The following POC1B variants were observed in gnomAD, a reference collection of about 807,000 sequenced individuals.
The protein encoded by POC1B is POC1 centriolar protein homolog B.
POC1B carries 44 observed loss-of-function variants against 60.6 expected under a neutral mutation model. The observed-to-expected ratio is 0.73, with a 90% CI of 0.57 to 0.93. POC1B has a LOEUF of 0.93. POC1B is among the 40% of genes least tolerant of loss of function. POC1B has a pLI of 0.00. For synonymous variants in POC1B, 180 were observed against 198.9 expected (o/e 0.90, Z 0.80); for missense variants, 555 against 572.3 (o/e 0.97, Z 0.31).
At position 89,465,312 on chromosome 12, in the gene POC1B, T is replaced by C. The variant is rs116643960; in HGVS notation, c.1032+1458A>G. 2.4e-3 allele frequency among the ~76,000 whole-genome samples: 358 copies of C among 152,214 alleles called. 1 individual carries two copies. The highest frequency in any genetic ancestry group is 8.1e-3 in the African/African-American group (336 of 41,538). ...AGAGAAAAAATGGCTTGAGTCTCTG[T>C]GCTGAGGTGAGTGTGGAGTCATGGA... is the stretch of plus-strand genomic sequence containing the variant. On this transcript the variant is annotated intron_variant, in intron 9 of 11. Transcript: ENST00000313546.
At chr12:89,464,641 C>T (rs962079587) in intron 9 of POC1B, among the ~76,000 whole-genome samples, 3 of 151,342 alleles carry the variant, frequency 2.0e-5, no homozygotes. Flanking sequence ...GCACGCGCCA[C>T]CACACCCAGC....
chr12:89,491,858 C>A (rs1565747639), intron 4 of POC1B, 78 bp downstream of exon 4: 1 of 1,247,292 alleles, frequency 8.0e-7, no homozygotes, highest in East Asian at 2.5e-5. Flanking sequence ...GTCCTCAAAC[C>A]CTTTTTCTGG....
intron 2 of POC1B, among the ~76,000 whole-genome samples, chr12:89,509,976 G>A (rs1157959181): frequency 1.3e-5 from 2 of 151,858 alleles, no homozygotes; most frequent in East Asian, 3.9e-4. Context: ...CTCCCAAGTA[G>A]CTGGGATTAC....
At chr12:89,404,614 T>C in the POC1B span, among the ~76,000 whole-genome samples, 4 of 152,190 alleles carry the variant, frequency 2.6e-5, no homozygotes, top group South Asian at 8.3e-4. Context: ...AATGATTTCC[T>C]GCACTAGATC....
the POC1B span, among the ~76,000 whole-genome samples, chr12:89,402,470 G>C: frequency 6.6e-6 from 1 of 151,954 alleles, no homozygotes; most frequent in African/African-American, 2.4e-5. Flanking sequence ...TTGTTACCCA[G>C]GTATTAAGCC....
chr12:89,525,589 C>T lies in POC1B; in HGVS notation c.15+292G>A, dbSNP rs1049905108. 3.1e-6 allele frequency: 4 copies of T among 1,282,454 alleles called. No individual in the cohort carries two copies. The African/African-American group carries it at 4.6e-5, about 15-fold the overall frequency. 79.4% of individuals were successfully genotyped at this position (1,282,454 alleles called of 1,614,324 possible). On this transcript the variant is annotated intron_variant, in intron 1 of 11. Coordinates refer to ENST00000313546, the MANE Select transcript of POC1B (RefSeq NM_172240.3). ...TAATACTTCCTAGGTGATTCTGACG[C>T]AGGCGCTCCACGGAAACCCTCCGAG...
At chr12:89,410,656 G>A in the POC1B span, among the ~76,000 whole-genome samples, 119 of 144,482 alleles carry the variant, frequency 8.2e-4, no homozygotes, top group African/African-American at 3.0e-3. Context: ...TCCAGCCTGG[G>A]CAACAGAGTG....
chr12:89,419,181 A>G (rs945356631), downstream of POC1B, among the ~76,000 whole-genome samples: 3 of 152,050 alleles, frequency 2.0e-5, no homozygotes, highest in African/African-American at 7.2e-5. Context: ...GGTAGAGGGC[A>G]GAAAAATTGG....
chr12:89,494,450 G>T (rs183362130), intron 3 of POC1B, among the ~76,000 whole-genome samples: 1 of 152,122 alleles, frequency 6.6e-6, no homozygotes, highest in African/African-American at 2.4e-5. Flanking sequence ...ATGTCTCTCC[G>T]CTTCACAAAA....
intron 2 of POC1B, chr12:89,524,862 GGTGGTTAGTTTGCGAAAGTC>G (rs1871287078): frequency 1.6e-6 from 1 of 628,504 alleles, no homozygotes. Flanking sequence ...CACTCCTCCT[GGTGGTTAGTTTGCGAAAGTC>G]GTCCGCCAGG....
intron 5 of POC1B, 116 bp downstream of exon 5, chr12:89,472,052 G>A (rs1002533004): frequency 8.0e-6 from 6 of 751,594 alleles, no homozygotes; most frequent in Admixed American, 7.7e-5. Flanking sequence ...ACAGGCGTGA[G>A]CCACTGCACC....
intron 4 of POC1B, 140 bp from the exon 5 acceptor site, chr12:89,472,415 T>C (rs888350430): frequency 2.0e-5 from 12 of 602,666 alleles, no homozygotes; most frequent in African/African-American, 3.8e-5. Context: ...AAAGTCATAT[T>C]CTGCAGCCAA....
Position 89,521,838 on chromosome 12 carries a change from T to A in POC1B, c.100+3282A>T, listed in dbSNP as rs1056863802. 3 of 397,252 alleles carry A rather than the reference T, an allele frequency of 7.6e-6. No individual in the cohort carries two copies. In the Admixed American group the frequency reaches 1.3e-4, roughly 17 times the overall value. The allele number at this position is 397,252 out of a possible 1,614,324, so 24.6% of individuals were successfully genotyped here. On this transcript the variant is annotated intron_variant, in intron 2 of 11. Coordinates refer to ENST00000313546, the MANE Select transcript of POC1B (RefSeq NM_172240.3). ...TAAGATAAATTCTTAAATTTCCTGA[T>A]CAGCAGAACTCGTAGGAGAGTTCCA...
chr12:89,501,054 G>C, intron 2 of POC1B: 2 of 1,078,076 alleles, frequency 1.9e-6, no homozygotes, highest in Non-Finnish European at 2.8e-6. Flanking sequence ...TAGATCTTGG[G>C]ATTACTATAC....
At chr12:89,450,704 T>C (rs1882004197) in intron 10 of POC1B, among the ~76,000 whole-genome samples, 1 of 152,228 alleles carries the variant, frequency 6.6e-6, no homozygotes, top group Non-Finnish European at 1.5e-5. Context: ...TTAAGGCTTT[T>C]AACATTTTAA....
chr12:89,491,891 A>C, intron 4 of POC1B, 45 bp downstream of exon 4: 1 of 1,416,864 alleles, frequency 7.1e-7, no homozygotes, highest in Admixed American at 2.6e-5. Context: ...AACATGAAGC[A>C]GAAAAAATAT....
At chr12:89,523,896 G>A (rs1565765550) in intron 2 of POC1B, 1 of 1,586,450 alleles carries the variant, frequency 6.3e-7, no homozygotes, top group Non-Finnish European at 8.6e-7. Flanking sequence ...CGTCCCCAGT[G>A]GCGAAAGTGG....
At chr12:89,500,712 TAA>T in intron 2 of POC1B, 1 of 1,349,960 alleles carries the variant, frequency 7.4e-7, no homozygotes, top group Non-Finnish European at 1.0e-6. Flanking sequence ...AAAAAAAGAT[TAA>T]ACTTTGAAGA....
At chr12:89,472,441 A>C in intron 4 of POC1B, 166 bp from the exon 5 acceptor site, 2 of 554,040 alleles carry the variant, frequency 3.6e-6, no homozygotes, top group Non-Finnish European at 6.3e-6. Context: ...TCATCATGAC[A>C]AACAACACTG....
Sources: allele counts gnomAD v4.1 joint callset (sites outside exome capture counted in the v4.1 genomes callset), GRCh38; gene constraint gnomAD v4.1.1; transcripts MANE v1.5; gene names NCBI Gene and HGNC (gene_info 2026-07-23, HGNC 2026-07-21).